STK3: variants seen among roughly 807,000 people sequenced by gnomAD.
STK3 encodes the protein serine/threonine-protein kinase 3.
STK3 carries 41 observed loss-of-function variants against 58.0 expected under a neutral mutation model. That is an observed-to-expected ratio of 0.71 (90% confidence interval 0.55 to 0.92). The LOEUF is 0.92. Among genes scored for constraint, STK3 ranks in the 40% least tolerant of loss-of-function variants. STK3 has a pLI of 0.00. For missense variants in STK3, 479 were observed against 602.7 expected (o/e 0.79, Z 2.15); for synonymous variants, 170 against 191.0 (o/e 0.89, Z 0.91).
At chr8:98,575,899 G>A (rs1177515852) in intron 8 of STK3, among the ~76,000 whole-genome samples, 2 of 152,116 alleles carry the variant, frequency 1.3e-5, no homozygotes, top group African/African-American at 4.8e-5. Context: ...TAATTTTGAT[G>A]AAGTTCAGTT....
intron 3 of STK3, among the ~76,000 whole-genome samples, chr8:98,414,410 C>A (rs1818091217): frequency 6.6e-6 from 1 of 152,172 alleles, no homozygotes; most frequent in Non-Finnish European, 1.5e-5. Context: ...AACAACTTAG[C>A]AATCCCAGAA....
chr8:98,521,180 C>T (rs1433053732), intron 10 of STK3, among the ~76,000 whole-genome samples: 4 of 152,190 alleles, frequency 2.6e-5, no homozygotes, highest in South Asian at 4.1e-4. Context: ...CTAGTCACTC[C>T]GTCCCTCCTG....
chr8:98,566,428 T>A (rs1215927238), intron 8 of STK3, among the ~76,000 whole-genome samples: 2 of 152,108 alleles, frequency 1.3e-5, no homozygotes, highest in Non-Finnish European at 2.9e-5. Flanking sequence ...TTTATATTGT[T>A]ATAACCCATA....
At chr8:98,510,968 G>A (rs1824468816) in intron 10 of STK3, among the ~76,000 whole-genome samples, 1 of 151,868 alleles carries the variant, frequency 6.6e-6, no homozygotes, top group Non-Finnish European at 1.5e-5. Context: ...TTGAACAAAC[G>A]AACATTAAAA....
At chr8:98,796,199 A>G (rs1353060384) in intron 1 of STK3, among the ~76,000 whole-genome samples, 3 of 152,180 alleles carry the variant, frequency 2.0e-5, no homozygotes, top group Admixed American at 6.5e-5. Context: ...AACTGTAAGT[A>G]AAAAGGACAA....
At chr8:98,690,966 C>T (rs1563893012) in intron 6 of STK3, among the ~76,000 whole-genome samples, 1 of 152,152 alleles carries the variant, frequency 6.6e-6, no homozygotes, top group Non-Finnish European at 1.5e-5. Context: ...AAACAGAAAA[C>T]CAAACACTGC....
intron 1 of STK3, among the ~76,000 whole-genome samples, chr8:98,793,758 C>T (rs1832955190): frequency 6.6e-6 from 1 of 151,918 alleles, no homozygotes; most frequent in African/African-American, 2.4e-5. Context: ...CTCGTCTGCA[C>T]ATGGAAGATA....
In STK3 at chr8:98,614,441, C is replaced by T. The variant is rs182217142; in HGVS notation, c.685-18272G>A. On this transcript the variant is annotated intron_variant, in intron 6 of 10. Coordinates refer to ENST00000419617, the MANE Select transcript of STK3 (RefSeq NM_006281.4). ...AATCTATGTGTCAAAGAAGATGTCT[C>T]GATCGGGGGAGGAGCCAAGATGGCC... Among the ~76,000 whole-genome samples the T allele has an allele frequency of 5.3e-5, 8 of 152,090 alleles. No homozygotes were observed. The East Asian group carries it at 1.4e-3, about 26-fold the overall frequency.
At chr8:98,838,919 A>C (rs1182592398) in intron 3 of STK3, among the ~76,000 whole-genome samples, 1 of 150,576 alleles carries the variant, frequency 6.6e-6, no homozygotes, top group African/African-American at 2.5e-5. Flanking sequence ...CTATTACTTC[A>C]AGACCTTTCC....
chr8:98,800,394 T>C lies in STK3; in HGVS notation c.26+25121A>G, dbSNP rs1179050035. Among the ~76,000 whole-genome samples, 1 of 151,984 alleles carries C rather than the reference T, an allele frequency of 6.6e-6. No individual in the cohort carries two copies. Among genetic ancestry groups the C allele is most frequent in the African/African-American group, 2.4e-5 (1 of 41,362 alleles). ...GCCAAATTCCCAACAGCAGTTGGGG[T>C]GTCCTGTTTAGAGGGGGGATTGAGA... On this transcript the variant is annotated intron_variant, in intron 1 of 10. Transcript: ENST00000419617. The surrounding 1 kb of genome is among the most constrained non-coding windows in gnomAD (Gnocchi z 4.8).
chr8:98,525,190 T>C (rs945076200), intron 10 of STK3, among the ~76,000 whole-genome samples: 1 of 152,186 alleles, frequency 6.6e-6, no homozygotes, highest in East Asian at 1.9e-4. Context: ...AAATACTGCA[T>C]GTTCTCACGT....
At chr8:98,725,771 T>C (rs1827753733) in intron 4 of STK3, among the ~76,000 whole-genome samples, 1 of 152,038 alleles carries the variant, frequency 6.6e-6, no homozygotes, top group Non-Finnish European at 1.5e-5. Flanking sequence ...CAGTAAAAAG[T>C]GGCAATTTAC....
chr8:98,543,280 T>C (rs904347820), intron 9 of STK3, among the ~76,000 whole-genome samples: 2 of 152,134 alleles, frequency 1.3e-5, no homozygotes, highest in Non-Finnish European at 2.9e-5. Context: ...AACCAGAGCA[T>C]ATACTGCTTC....
intron 1 of STK3, among the ~76,000 whole-genome samples, chr8:98,792,402 G>C (rs920458483): frequency 1.3e-5 from 2 of 152,152 alleles, no homozygotes; most frequent in African/African-American, 4.8e-5. Context: ...ATTCCTTAAA[G>C]AACTAAAAGT....
intron 8 of STK3, among the ~76,000 whole-genome samples, chr8:98,559,942 G>A (rs1811881703): frequency 6.6e-6 from 1 of 152,082 alleles, no homozygotes; most frequent in African/African-American, 2.4e-5. Context: ...AACAAGCAGA[G>A]AAGGGGCCTT....
At position 98,428,889 on chromosome 8, in the gene STK3, C is replaced by T. The variant is rs200723055; in HGVS notation, n.483+5238G>A. The T allele has an allele frequency of 2.9e-5, 47 of 1,614,154 alleles. No homozygotes were observed. The highest frequency in any genetic ancestry group is 8.3e-5 in the Admixed American group (5 of 60,030). The stretch of plus-strand genomic sequence containing the variant: ...GGTCCTGAGGCTGATGCGGATCTTC[C>T]GCATCTTAAAGCTGGCCAGGCACTC... On this transcript the variant is annotated intron_variant and non_coding_transcript_variant, in intron 3 of 3. Transcript: ENST00000517832. This position sits in a 1 kb window ranked among gnomAD's most constrained non-coding sequence, Gnocchi z 6.7.
chr8:98,935,925 AT>A (rs112873131), intron 1 of STK3, among the ~76,000 whole-genome samples: 12,457 of 150,622 alleles, frequency 0.083, 562 homozygotes, highest in South Asian at 0.1. Context: ...TTATTTATTT[AT>A]TTTTTTTTGA....
At chr8:98,387,566 T>G (rs904260951) in intron 1 of STK3, among the ~76,000 whole-genome samples, 1 of 152,132 alleles carries the variant, frequency 6.6e-6, no homozygotes, top group Non-Finnish European at 1.5e-5. Context: ...CTGACCAACA[T>G]GGAGAAACCC....
chr8:98,495,737 C>T (rs1823081826), intron 10 of STK3, among the ~76,000 whole-genome samples: 1 of 152,162 alleles, frequency 6.6e-6, no homozygotes, highest in Non-Finnish European at 1.5e-5. Flanking sequence ...GCTTTTATAG[C>T]AACAGATTTA....
Sources: gnomAD v4.1 joint callset for allele counts (sites outside exome capture counted in the v4.1 genomes callset) on GRCh38, gnomAD v4.1.1 for gene constraint, Gnocchi (gnomAD v3.1) non-coding constraint, MANE v1.5 for transcripts, NCBI Gene and HGNC (gene_info 2026-07-23, HGNC 2026-07-21) for gene names.